PRSS23: variants seen among roughly 807,000 people sequenced by gnomAD.
The protein encoded by PRSS23 is serine protease 23, also known as protease, serine 23.
Under a neutral mutation model 34.7 loss-of-function variants are expected in PRSS23, and 25 were observed. The ratio of observed to expected loss-of-function variants is 0.72; its 90% CI spans 0.53 to 1.01. The LOEUF is 1.01. Among genes scored for constraint, PRSS23 ranks in the 50% least tolerant of loss-of-function variants. The pLI, the probability that PRSS23 is intolerant of heterozygous loss-of-function variation, is 0.00. For synonymous variants in PRSS23, 176 were observed against 186.6 expected (o/e 0.94, Z 0.46); for missense variants, 445 against 475.6 (o/e 0.94, Z 0.60).
intron 2 of PRSS23, among the ~76,000 whole-genome samples, chr11:86,829,172 T>C (rs1049957872): frequency 6.6e-6 from 1 of 152,222 alleles, no homozygotes; most frequent in African/African-American, 2.4e-5. Flanking sequence ...GTCCCATATT[T>C]CTTGGAGGCT....
At chr11:86,841,765 A>C (rs900213810) in intron 2 of PRSS23, among the ~76,000 whole-genome samples, 10 of 152,138 alleles carry the variant, frequency 6.6e-5, no homozygotes. Context: ...ACCAATAAGA[A>C]GGTCTGAAAT....
rs185123795 is a variant in PRSS23, at chr11:86,880,413, C to T, written c.206+56820C>T. ...TGTCCTATGACCCTGCCAAATCCCC[C>T]TCTGTGAGAAACACCCAAGAATGAT... On this transcript the variant is annotated intron_variant, in intron 2 of 2. Transcript: ENST00000533902. Among the ~76,000 whole-genome samples the T allele has an allele frequency of 6.8e-3, 1,023 of 151,530 alleles. 11 individuals carry two copies. The highest frequency in any genetic ancestry group is 0.024 in the African/African-American group (992 of 41,212).
chr11:86,795,729 C>T (rs1947976461), upstream of PRSS23, among the ~76,000 whole-genome samples: 1 of 152,216 alleles, frequency 6.6e-6, no homozygotes, highest in Non-Finnish European at 1.5e-5. Flanking sequence ...TCTTTTCACT[C>T]ACTACACAGA....
chr11:86,912,630 C>A (rs1948985269), intron 2 of PRSS23, among the ~76,000 whole-genome samples: 1 of 152,146 alleles, frequency 6.6e-6, no homozygotes, highest in Non-Finnish European at 1.5e-5. Flanking sequence ...CCATTTGGTT[C>A]TTTTTTTAAT....
chr11:86,902,058 G>A (rs1458981029), intron 2 of PRSS23, among the ~76,000 whole-genome samples: 1 of 152,046 alleles, frequency 6.6e-6, no homozygotes, highest in Non-Finnish European at 1.5e-5. Context: ...GCACAGAGTA[G>A]ATTGTCAATT....
intron 2 of PRSS23, among the ~76,000 whole-genome samples, chr11:86,900,993 C>A (rs1208665532): frequency 1.3e-5 from 2 of 151,860 alleles, no homozygotes; most frequent in African/African-American, 2.4e-5. Context: ...CCATGTTGGC[C>A]AGGCTGGTCT....
chr11:86,847,977 C>G (rs1948500181), intron 2 of PRSS23, among the ~76,000 whole-genome samples: 1 of 152,196 alleles, frequency 6.6e-6, no homozygotes. Context: ...TGCACTGACT[C>G]TCCTCCATCT....
chr11:86,916,626 A>C lies in PRSS23; in HGVS notation c.207-34590A>C, dbSNP rs2212762. ...AAAAACACTCATGAGTGCTTCTCAC[A>C]GATTCGGCTTCATTGTGTCAAACTG... On this transcript the variant is annotated intron_variant, in intron 2 of 2. Coordinates refer to the PRSS23 transcript ENST00000533902. Among the ~76,000 whole-genome samples the C allele has an allele frequency of 5.0e-3, 769 of 152,312 alleles. 8 individuals are homozygous for C. The highest frequency in any genetic ancestry group is 0.018 in the African/African-American group (740 of 41,556).
chr11:86,884,782 A>G (rs1033303386), intron 2 of PRSS23, among the ~76,000 whole-genome samples: 1 of 152,180 alleles, frequency 6.6e-6, no homozygotes, highest in Non-Finnish European at 1.5e-5. Context: ...CAGAAAATGC[A>G]TATATTATTG....
chr11:86,791,460 C>A (rs536569973), intron 1 of PRSS23, among the ~76,000 whole-genome samples: 74 of 152,320 alleles, frequency 4.9e-4, no homozygotes, highest in African/African-American at 1.7e-3. Flanking sequence ...TCTGTAAGTA[C>A]AAATCCTCCT....
chr11:86,878,253 G>C (rs1391478667), intron 2 of PRSS23, among the ~76,000 whole-genome samples: 4 of 78,874 alleles, frequency 5.1e-5, no homozygotes, highest in Non-Finnish European at 9.5e-5. Flanking sequence ...CCTCATCTCC[G>C]TCTCCCTCTC....
intron 2 of PRSS23, among the ~76,000 whole-genome samples, chr11:86,887,287 G>GTT (rs1296318326): frequency 6.6e-6 from 1 of 152,060 alleles, no homozygotes; most frequent in East Asian, 1.9e-4. Flanking sequence ...TTGAGGCAAT[G>GTT]TTTGGTAGCA....
At chr11:86,903,975 C>T (rs1948927029) in intron 2 of PRSS23, among the ~76,000 whole-genome samples, 2 of 151,162 alleles carry the variant, frequency 1.3e-5, no homozygotes, top group Admixed American at 1.3e-4. Context: ...TGAAATAGGG[C>T]TGCTTGAATT....
At chr11:86,939,801 C>T (rs759723434) in intron 2 of PRSS23, among the ~76,000 whole-genome samples, 5 of 148,634 alleles carry the variant, frequency 3.4e-5, no homozygotes, top group Non-Finnish European at 7.4e-5. Flanking sequence ...GGGGGACACA[C>T]AAAAATGCTA....
At chr11:86,890,620 AC>A (rs1948835085) in intron 2 of PRSS23, among the ~76,000 whole-genome samples, 1 of 152,200 alleles carries the variant, frequency 6.6e-6, no homozygotes, top group Non-Finnish European at 1.5e-5. Context: ...CCTGGCCTGA[AC>A]CATGGAAGTG....
At chr11:86,951,416 G>A (rs1378438998) in exon 3 of PRSS23, 1 of 1,612,360 alleles carries the variant, frequency 6.2e-7, no homozygotes, top group Non-Finnish European at 8.5e-7. Context: ...ACACGTTGCA[G>A]GAACTGTGTA....
chr11:86,900,991 G>C (rs897577643), intron 2 of PRSS23, among the ~76,000 whole-genome samples: 9 of 151,656 alleles, frequency 5.9e-5, no homozygotes, highest in Non-Finnish European at 8.8e-5. Flanking sequence ...CACCATGTTG[G>C]CCAGGCTGGT....
chr11:86,853,401 G>A (rs1405218110), intron 2 of PRSS23, among the ~76,000 whole-genome samples: 1 of 151,170 alleles, frequency 6.6e-6, no homozygotes, highest in Non-Finnish European at 1.5e-5. Context: ...CTACAGGCAT[G>A]CGCCACCATG....
chr11:86,818,012 A>G (rs184601334), intron 1 of PRSS23, among the ~76,000 whole-genome samples: 1 of 152,326 alleles, frequency 6.6e-6, no homozygotes, highest in East Asian at 1.9e-4. Flanking sequence ...ATGCCTCCAG[A>G]TTGGGAGTCA....
Sources: gnomAD v4.1 joint callset for allele counts (sites outside exome capture counted in the v4.1 genomes callset) on GRCh38, gnomAD v4.1.1 for gene constraint, MANE v1.5 for transcripts, NCBI Gene and HGNC (gene_info 2026-07-23, HGNC 2026-07-21) for gene names.